SNX19: variants seen among roughly 807,000 people sequenced by gnomAD.
The protein encoded by SNX19 is sorting nexin-19.
Under a neutral mutation model 85.2 loss-of-function variants are expected in SNX19, and 60 were observed. The ratio of observed to expected loss-of-function variants is 0.70; its 90% CI spans 0.57 to 0.87. The LOEUF (loss-of-function observed/expected upper bound fraction) is 0.87. Ranked by LOEUF, SNX19 falls within the 40% of genes least tolerant of loss-of-function variation. The probability of loss-of-function intolerance (pLI) is 0.00; values close to 1 mark genes in which losing one functional copy is unlikely to be tolerated. For synonymous variants in SNX19, 520 were observed against 470.0 expected, an observed-to-expected ratio of 1.11 and a Z score of -1.38; for missense variants, 1,201 against 1,217.8, an observed-to-expected ratio of 0.99 and a Z score of 0.21.
chr11:130,901,731 G>A (rs902038476), intron 8 of SNX19: 1 of 152,084 alleles, frequency 6.6e-6, no homozygotes, highest in Admixed American at 6.5e-5. Context: ...GTTACCTAGA[G>A]CCCCAGTATA....
In SNX19 at chr11:130,868,895, G is replaced by A. The variant is rs961776816; in HGVS notation, c.*9527C>T. Reference sequence around the variant, plus strand: ...GATGAGGATTCCAAGCCTATCAGGAGGAAAGAAATATGTTACTCACTGCCA... The same window carrying A: ...GATGAGGATTCCAAGCCTATCAGGAAGAAAGAAATATGTTACTCACTGCCA... On this transcript the variant is annotated 3_prime_UTR_variant, in exon 11 of 11. Transcript: ENST00000265909. The A allele has an allele frequency of 2.0e-5, 3 of 152,234 alleles. No individual in the cohort carries two copies. The highest frequency in any genetic ancestry group is 7.2e-5 in the African/African-American group (3 of 41,434). The allele number at this position is 152,234 out of a possible 1,614,324, so 9.4% of individuals were successfully genotyped here.
At position 130,914,273 on chromosome 11, in the gene SNX19, G is replaced by A. The variant is rs146008920; in HGVS notation, c.1667C>T (p.Thr556Ile). The A allele has an allele frequency of 3.0e-5, 47 of 1,576,798 alleles. No homozygotes were observed. The East Asian group carries it at 8.1e-4, about 27-fold the overall frequency. Reference protein sequence around the residue: ...GTGFHPYTLYTVKYETALDGE... With the variant: ...GTGFHPYTLYIVKYETALDGE... Reference sequence around the variant, plus strand: ...CAGCTTTAATCCTGTTACCTTCACAGTATAGAGTGTGTATGGGTGGAATCC... The same window carrying A: ...CAGCTTTAATCCTGTTACCTTCACAATATAGAGTGTGTATGGGTGGAATCC... The change falls in exon 1 of 11, where the codon ACT (threonine) becomes ATT (isoleucine). Residue 556 changes from threonine (T) to isoleucine (I), a missense_variant. Coordinates refer to ENST00000265909, the MANE Select transcript of SNX19 (RefSeq NM_014758.3).
At position 130,915,717 on chromosome 11, in the gene SNX19, C is replaced by T. The variant is rs770925265; in HGVS notation, c.223G>A (p.Gly75Ser). Residue 75 changes from glycine to serine, a missense_variant, in exon 1 of 11, where the codon GGT becomes AGT. By Grantham distance (56) the Gly-to-Ser change is moderately conservative (BLOSUM62 0). Transcript: ENST00000265909. ...ATGAAGCGTTCCAGATGCAGTCGAC[C>T]TGAAGCCACTCCAGCGAGGCTGGAG... ...LGSSLAGVAS[G>S]RLHLERFIPL... is the part of the protein sequence containing the mutation. The T allele has an allele frequency of 9.9e-6, 16 of 1,614,138 alleles. No homozygotes were observed. The highest frequency in any genetic ancestry group is 8.3e-5 in the Admixed American group (5 of 60,014).
Position 130,905,962 on chromosome 11 carries a change from T to C in SNX19, c.2434A>G (p.Ser812Gly). Residue 812 changes from serine (S) to glycine (G), a missense_variant, in exon 7 of 11, where the codon AGC becomes GGC. Transcript: ENST00000265909. ...AGACCTCGCCACTCACCTGGATCGC[T>C]GTTGCTGGGGTCTTGGGCTGGCACG... Reference protein sequence around the residue: ...AAVPAQDPSNSDPGTETELAD... With the variant: ...AAVPAQDPSNGDPGTETELAD... 1 of 1,614,244 alleles carries C rather than the reference T, an allele frequency of 6.2e-7. No individual in the cohort carries two copies. Among genetic ancestry groups the C allele is most frequent in the South Asian group, 1.1e-5 (1 of 91,086 alleles).
chr11:130,911,826 T>C (rs1216015075), intron 1 of SNX19, 55 bp from the exon 2 acceptor site: 16 of 1,582,914 alleles, frequency 1.0e-5, no homozygotes, highest in Non-Finnish European at 1.4e-5. Flanking sequence ...CAATCTTCTA[T>C]TCTGGCTTTA....
At position 130,868,475 on chromosome 11, in the gene SNX19, T is replaced by C. The variant is rs528497817; in HGVS notation, c.*9947A>G. On this transcript the variant is annotated 3_prime_UTR_variant, in exon 11 of 11. Coordinates refer to ENST00000265909, the MANE Select transcript of SNX19 (RefSeq NM_014758.3). ...GGATATGTGCTTATGAGATGGGTCA[T>C]AGTTAAGAGCTGCCAGCCTGGGGTC... The C allele has an allele frequency of 6.6e-6, 1 of 152,144 alleles. No homozygotes were observed. The highest frequency in any genetic ancestry group is 2.4e-5 in the African/African-American group (1 of 41,412). 9.4% of individuals were successfully genotyped at this position (152,144 alleles called of 1,614,324 possible). A position where few individuals can be genotyped will look rare whatever the true frequency, so the allele number is the denominator to read the frequency against.
At chr11:130,901,960 G>A (rs1297553498) in intron 8 of SNX19, 1 of 152,184 alleles carries the variant, frequency 6.6e-6, no homozygotes, top group East Asian at 1.9e-4. Flanking sequence ...CTAGTGGCAG[G>A]GCTGAATACT....
chr11:130,910,754 A>G (rs73028878), intron 2 of SNX19, among the ~76,000 whole-genome samples: 24,170 of 152,276 alleles, frequency 0.16, 2,197 homozygotes, highest in Middle Eastern at 0.25. Flanking sequence ...AACCTGGCGC[A>G]TATTTTCAAG....
intron 7 of SNX19, among the ~76,000 whole-genome samples, chr11:130,904,693 GA>G (rs1945518651): frequency 1.1e-5 from 1 of 94,058 alleles, no homozygotes; most frequent in African/African-American, 3.5e-5. Flanking sequence ...GAAAATGGTA[GA>G]TTTTTTTTTG....
Position 130,915,627 on chromosome 11 carries a change from T to C in SNX19, c.313A>G (p.Thr105Ala). 6.2e-7 allele frequency: 1 copy of C among 1,614,166 alleles called. No individual in the cohort carries two copies. Among genetic ancestry groups the C allele is most frequent in the Non-Finnish European group, 8.5e-7 (1 of 1,180,030 alleles). The part of the protein sequence containing the change: ...ERQLEREINR[T>A]IQMIIRDFVL... The stretch of plus-strand genomic sequence containing the variant: ...AAATCTCGAATAATCATCTGGATGG[T>C]GCGGTTGATCTCCCGTTCCAGCTGC... Residue 105 changes from threonine to alanine, a missense_variant, in exon 1 of 11, where the codon ACC becomes GCC. Coordinates refer to ENST00000265909, the MANE Select transcript of SNX19 (RefSeq NM_014758.3).
At chr11:130,884,844 C>T (rs901443956) in intron 8 of SNX19, among the ~76,000 whole-genome samples, 9 of 146,206 alleles carry the variant, frequency 6.2e-5, no homozygotes, top group Admixed American at 3.4e-4. Context: ...TGTACTCCAG[C>T]CTGGGTGACA....
rs1034660376 is a variant in SNX19 at position 130,905,621 on chromosome 11, G to C, written c.2443+332C>G. ...GGAAACCAGGAAACTGAGACACTAAGGGAAGAAAGTTTCTAAGAAATGCAA... is the reference window on the plus strand; with the variant it reads ...GGAAACCAGGAAACTGAGACACTAACGGAAGAAAGTTTCTAAGAAATGCAA... On this transcript the variant is annotated intron_variant, in intron 7 of 10. Coordinates refer to ENST00000265909, the MANE Select transcript of SNX19 (RefSeq NM_014758.3). 5 of 1,431,772 alleles carry C rather than the reference G, an allele frequency of 3.5e-6. No individual in the cohort carries two copies. The African/African-American group carries it at 5.7e-5, about 16-fold the overall frequency. The allele number at this position is 1,431,772 out of a possible 1,614,324, so 88.7% of individuals were successfully genotyped here.
Position 130,875,291 on chromosome 11 carries a change from T to C in SNX19, c.*3131A>G. ...TGCATGATTCCACTTATATGAGGCG[T>C]TCAAAGTAGTCAAACTCACAGAAGC... On this transcript the variant is annotated 3_prime_UTR_variant, in exon 11 of 11. Coordinates refer to ENST00000265909, the MANE Select transcript of SNX19 (RefSeq NM_014758.3). 1 of 152,564 alleles carries C rather than the reference T, an allele frequency of 6.6e-6. No homozygotes were observed. The highest frequency in any genetic ancestry group is 1.5e-5 in the Non-Finnish European group (1 of 68,256). The allele number at this position is 152,564 out of a possible 1,614,324, so 9.5% of individuals were successfully genotyped here. A position where few individuals can be genotyped will look rare whatever the true frequency, so the allele number is the denominator to read the frequency against.
chr11:130,881,436 A>G (rs995965761), intron 8 of SNX19, among the ~76,000 whole-genome samples: 8 of 152,142 alleles, frequency 5.3e-5, no homozygotes, highest in African/African-American at 1.7e-4. Flanking sequence ...GCCTGCACCT[A>G]TACCTTCCCA....
At chr11:130,893,271 G>A (rs1049742489) in intron 8 of SNX19, among the ~76,000 whole-genome samples, 3 of 152,128 alleles carry the variant, frequency 2.0e-5, no homozygotes, top group African/African-American at 7.2e-5. Flanking sequence ...AACAGATTTA[G>A]AGTGTGCTCA....
intron 8 of SNX19, chr11:130,893,161 AAGG>A (rs1343997576): frequency 6.6e-6 from 1 of 152,300 alleles, no homozygotes; most frequent in Non-Finnish European, 1.5e-5. Context: ...CACCACAGGA[AAGG>A]AGGATGGGAA....
At position 130,916,247 on chromosome 11, in the gene SNX19, C is replaced by G. The variant is rs1946576704; in HGVS notation, c.-308G>C. On this transcript the variant is annotated 5_prime_UTR_variant, in exon 1 of 11. Transcript: ENST00000265909. ...GGCCTCTTCGGGGCCTCGGGGCGGG[C>G]GCTGCAAGGCCCTGGGGCCCACGGA... The G allele has an allele frequency of 2.7e-6, 1 of 373,302 alleles. No individual in the cohort carries two copies. Among genetic ancestry groups the G allele is most frequent in the South Asian group, 3.3e-5 (1 of 30,000 alleles). The allele number at this position is 373,302 out of a possible 1,614,324, so 23.1% of individuals were successfully genotyped here.
chr11:130,910,441 T>C, intron 2 of SNX19, 71 bp from the exon 3 acceptor site: 1 of 1,149,984 alleles, frequency 8.7e-7, no homozygotes, highest in Admixed American at 2.4e-5. Flanking sequence ...ATATAAAACA[T>C]ATAAAGAAAA....
At chr11:130,893,858 A>G (rs1485377993) in intron 8 of SNX19, 3 of 701,240 alleles carry the variant, frequency 4.3e-6, no homozygotes, top group East Asian at 2.7e-5. Context: ...GAGCTAAAGT[A>G]TATTTCCCAC....
Sources: gnomAD v4.1 joint callset for allele counts (sites outside exome capture counted in the v4.1 genomes callset) on GRCh38, gnomAD v4.1.1 for gene constraint, MANE v1.5 for transcripts, NCBI Gene and HGNC (gene_info 2026-07-23, HGNC 2026-07-21) for gene names.